The following TANK variants were observed in gnomAD, a reference collection of about 807,000 sequenced individuals.
TANK encodes TRAF family member-associated NF-kappa-B activator.
Under a neutral mutation model 43.6 loss-of-function variants are expected in TANK, and 15 were observed. The ratio of observed to expected loss-of-function variants is 0.34; its 90% CI spans 0.23 to 0.53. The LOEUF is 0.53. TANK is among the 20% of genes least tolerant of loss of function. The pLI is 0.94. For missense variants in TANK, 417 were observed against 498.6 expected (o/e 0.84, Z 1.56); for synonymous variants, 162 against 178.2 (o/e 0.91, Z 0.73).
At chr2:161,140,479 T>A (rs1324607893) in intron 1 of TANK, among the ~76,000 whole-genome samples, 1 of 150,128 alleles carries the variant, frequency 6.7e-6, no homozygotes, top group Admixed American at 6.6e-5. Flanking sequence ...TTGTCTTTTC[T>A]TTTTTTTTCT....
chr2:161,220,582 A>G (rs1014330573), intron 4 of TANK, among the ~76,000 whole-genome samples: 2 of 152,150 alleles, frequency 1.3e-5, no homozygotes, highest in African/African-American at 4.8e-5. Context: ...CAGCCAGGAC[A>G]ACAAAAGCGA....
intron 2 of TANK, among the ~76,000 whole-genome samples, chr2:161,200,754 A>G (rs1686369085): frequency 6.6e-6 from 1 of 150,598 alleles, no homozygotes; most frequent in Non-Finnish European, 1.5e-5. Flanking sequence ...CCATTCCTTC[A>G]GATCATTTCT....
At chr2:161,217,610 T>C (rs1422856346) in intron 4 of TANK, among the ~76,000 whole-genome samples, 2 of 151,608 alleles carry the variant, frequency 1.3e-5, no homozygotes, top group Non-Finnish European at 2.9e-5. Flanking sequence ...TGTGTGTGTG[T>C]GTGTGTGTGT....
At chr2:161,154,472 G>T (rs1684168309) in intron 1 of TANK, among the ~76,000 whole-genome samples, 1 of 152,186 alleles carries the variant, frequency 6.6e-6, no homozygotes, top group Admixed American at 6.5e-5. Flanking sequence ...TAACAACATA[G>T]AATCTGACAA....
chr2:161,179,763 T>G lies in TANK; in HGVS notation c.99+2T>G. On this transcript the variant is annotated splice_donor_variant, in intron 2 of 7. Transcript: ENST00000392749. LOFTEE classifies it high-confidence loss of function. ...GCAGTAAAAGAATTACAGCAAAAGG[T>G]GTGTGGTTCTGGTTTTGAAAGTTAT... 1 of 1,608,212 alleles carries G rather than the reference T, an allele frequency of 6.2e-7. No homozygotes were observed. The highest frequency in any genetic ancestry group is 8.5e-7 in the Non-Finnish European group (1 of 1,176,538).
intron 1 of TANK, among the ~76,000 whole-genome samples, chr2:161,149,297 C>T (rs1179508589): frequency 6.6e-6 from 1 of 152,108 alleles, no homozygotes; most frequent in Non-Finnish European, 1.5e-5. Flanking sequence ...GGTTCATTGG[C>T]AATGTATAGA....
At chr2:161,224,223 C>G (rs1352725790) in intron 5 of TANK, among the ~76,000 whole-genome samples, 1 of 151,758 alleles carries the variant, frequency 6.6e-6, no homozygotes, top group African/African-American at 2.4e-5. Flanking sequence ...TTCAATAGAC[C>G]AAGTGTTAAG....
At chr2:161,216,760 G>A (rs1026506576) in intron 4 of TANK, among the ~76,000 whole-genome samples, 5 of 152,060 alleles carry the variant, frequency 3.3e-5, no homozygotes, top group East Asian at 1.9e-4. Flanking sequence ...GCATAGATAC[G>A]TAAAGTTAAA....
In TANK at chr2:161,179,760, A is replaced by G; in HGVS notation, c.98A>G (p.Lys33Arg). Residue 33 changes from lysine to arginine, a missense_variant and splice_region_variant, in exon 2 of 8, where the codon AAG (lysine) becomes AGG (arginine). Lys to Arg is a conservative substitution (Grantham distance 26). Transcript: ENST00000392749. ...TCTGCAGTAAAAGAATTACAGCAAA[A>G]GGTGTGTGGTTCTGGTTTTGAAAGT... ...RDSAVKELQQ[K>R]TENYEQRIRE... 6.2e-7 allele frequency: 1 copy of G among 1,610,934 alleles called. No homozygotes were observed. The highest frequency in any genetic ancestry group is 8.5e-7 in the Non-Finnish European group (1 of 1,178,108).
intron 4 of TANK, among the ~76,000 whole-genome samples, chr2:161,205,973 CATT>C (rs1558995382): frequency 6.6e-6 from 1 of 151,996 alleles, no homozygotes; most frequent in East Asian, 1.9e-4. Flanking sequence ...TAAAACATAA[CATT>C]AATGTTTGTG....
Position 161,202,915 on chromosome 2 carries a change from CATTTAA to C in TANK, c.100-571_100-566del, listed in dbSNP as rs754791522. 3.7e-5 allele frequency: 17 copies of C among 457,982 alleles called. 1 individual carries two copies. The highest frequency in any genetic ancestry group is 1.1e-4 in the South Asian group (7 of 62,272). The allele number at this position is 457,982 out of a possible 1,614,324, so 28.4% of individuals were successfully genotyped here. On this transcript the variant is annotated intron_variant, in intron 2 of 7. Coordinates refer to ENST00000392749, the MANE Select transcript of TANK (RefSeq NM_001199135.3). The stretch of plus-strand genomic sequence containing the variant: ...GGATTAACAATATAAGGGAAACTGG[CATTTAA>C]GACACCAAAGGTCAACTATATTCTC...
At chr2:161,192,028 T>A in intron 2 of TANK, among the ~76,000 whole-genome samples, 1 of 152,178 alleles carries the variant, frequency 6.6e-6, no homozygotes, top group Non-Finnish European at 1.5e-5. Flanking sequence ...CCTCAAGTGA[T>A]CTGCCCACCT....
chr2:161,197,939 G>C (rs879395503), intron 2 of TANK, among the ~76,000 whole-genome samples: 1 of 152,068 alleles, frequency 6.6e-6, no homozygotes, highest in Non-Finnish European at 1.5e-5. Context: ...AAATATATGA[G>C]ATAAATGCAC....
Position 161,137,314 on chromosome 2 carries a change from A to C in TANK, c.-50+251A>C, listed in dbSNP as rs1683614948. ...CAAGGTAAGAGGATCACTTGAGCCC[A>C]GGAGTTTGAGGCCAGCCTGGGCAAC... is the stretch of plus-strand genomic sequence containing the variant. On this transcript the variant is annotated intron_variant, in intron 1 of 7. Transcript: ENST00000259075. 4.6e-6 allele frequency: 4 copies of C among 866,860 alleles called. No homozygotes were observed. In the Admixed American group the frequency reaches 2.5e-4, roughly 54 times the overall value. 53.7% of individuals were successfully genotyped at this position (866,860 alleles called of 1,614,324 possible).
intron 1 of TANK, among the ~76,000 whole-genome samples, chr2:161,148,175 C>T (rs1470878383): frequency 1.3e-5 from 2 of 152,194 alleles, no homozygotes; most frequent in African/African-American, 4.8e-5. Flanking sequence ...TCCACATCCT[C>T]CTCCACACTT....
At chr2:161,234,109 T>C (rs1159973354) in intron 7 of TANK, among the ~76,000 whole-genome samples, 1 of 152,228 alleles carries the variant, frequency 6.6e-6, no homozygotes, top group Non-Finnish European at 1.5e-5. Context: ...ACAGACGTTG[T>C]ATATTTACAC....
chr2:161,166,900 C>G (rs1406118439), intron 1 of TANK, among the ~76,000 whole-genome samples: 1 of 152,234 alleles, frequency 6.6e-6, no homozygotes, highest in Non-Finnish European at 1.5e-5. Flanking sequence ...AGAATATGAA[C>G]TCCTCTTATT....
intron 1 of TANK, among the ~76,000 whole-genome samples, chr2:161,151,879 T>C (rs1684090828): frequency 6.6e-6 from 1 of 152,202 alleles, no homozygotes; most frequent in Non-Finnish European, 1.5e-5. Context: ...TGTCTTATTT[T>C]GTATTTTAGC....
intron 1 of TANK, chr2:161,139,727 C>T (rs1683686365): frequency 1.0e-6 from 1 of 985,220 alleles, no homozygotes; most frequent in African/African-American, 1.7e-5. Context: ...ATTCTGTTCC[C>T]AACTCAAACT....
Sources: allele counts gnomAD v4.1 joint callset (sites outside exome capture counted in the v4.1 genomes callset), GRCh38; gene constraint gnomAD v4.1.1; transcripts MANE v1.5; gene names NCBI Gene and HGNC (gene_info 2026-07-23, HGNC 2026-07-21).